TANC2: variants seen among roughly 807,000 people sequenced by gnomAD.
TANC2 encodes the protein tetratricopeptide repeat, ankyrin repeat and coiled-coil containing 2, also known as protein TANC2.
In TANC2, 26 loss-of-function variants were observed where a neutral mutation model predicts 210.5. That is an observed-to-expected ratio of 0.12 (90% CI 0.09 to 0.17). TANC2 has a LOEUF of 0.17. Among genes scored for constraint, TANC2 ranks in the 10% least tolerant of loss-of-function variants. The pLI is 1.00. For missense variants in TANC2, 2,129 were observed against 2,608.9 expected, an observed-to-expected ratio of 0.82 and a Z score of 4.01; for synonymous variants, 931 against 967.1, an observed-to-expected ratio of 0.96 and a Z score of 0.69.
chr17:63,040,694 A>G (rs181578091), intron 2 of TANC2, among the ~76,000 whole-genome samples: 2 of 152,296 alleles, frequency 1.3e-5, no homozygotes, highest in East Asian at 3.9e-4. Context: ...ACAGAAGAGC[A>G]GTATTTAAGT....
intron 2 of TANC2, among the ~76,000 whole-genome samples, chr17:63,065,052 C>T (rs141468067): frequency 1.4e-3 from 218 of 152,256 alleles, no homozygotes; most frequent in African/African-American, 5.1e-3. Context: ...CCTGCACACC[C>T]CTGCTCCCTC....
intron 4 of TANC2, among the ~76,000 whole-genome samples, chr17:63,128,150 CAA>C (rs936160068): frequency 2.0e-5 from 3 of 152,002 alleles, no homozygotes; most frequent in Non-Finnish European, 4.4e-5. Flanking sequence ...TGGAAAAACT[CAA>C]TATCAATAAA....
chr17:63,176,440 T>C (rs1013824571), intron 5 of TANC2, among the ~76,000 whole-genome samples: 3 of 152,176 alleles, frequency 2.0e-5, no homozygotes, highest in Non-Finnish European at 4.4e-5. Flanking sequence ...ATACATACTG[T>C]TTAATTCCTT....
chr17:63,060,222 G>C (rs1231342924), intron 2 of TANC2, among the ~76,000 whole-genome samples: 3 of 152,158 alleles, frequency 2.0e-5, no homozygotes, highest in Non-Finnish European at 4.4e-5. Flanking sequence ...GTTAATTTTT[G>C]TTGTTGTTCA....
chr17:63,410,887 A>AG, intron 21 of TANC2, among the ~76,000 whole-genome samples: 1 of 146,028 alleles, frequency 6.8e-6, no homozygotes, highest in Non-Finnish European at 1.5e-5. Flanking sequence ...AAAAAAAAAA[A>AG]AAGAAGCAGA....
intron 14 of TANC2, among the ~76,000 whole-genome samples, chr17:63,374,515 C>T (rs2047368278): frequency 6.6e-6 from 1 of 152,060 alleles, no homozygotes; most frequent in Admixed American, 6.6e-5. Context: ...GAGATGTGTA[C>T]CAGGTACAAC....
intron 5 of TANC2, chr17:63,154,468 A>G (rs2039767677): frequency 6.6e-6 from 1 of 152,122 alleles, no homozygotes; most frequent in African/African-American, 2.4e-5. Context: ...CAATAAAGCA[A>G]TTTCCAAAAT....
intron 1 of TANC2, among the ~76,000 whole-genome samples, chr17:62,998,936 T>G (rs1183514622): frequency 1.3e-5 from 2 of 152,154 alleles, no homozygotes; most frequent in East Asian, 3.9e-4. Flanking sequence ...AGTAAAGGGA[T>G]GGAGAAAAAT....
At chr17:63,207,200 CT>C (rs1177720536) in intron 7 of TANC2, among the ~76,000 whole-genome samples, 27 of 123,484 alleles carry the variant, frequency 2.2e-4, no homozygotes, top group Non-Finnish European at 3.3e-4. Flanking sequence ...ATGCAAATTT[CT>C]TTTTTTTTCC....
intron 3 of TANC2, among the ~76,000 whole-genome samples, chr17:63,082,990 T>C (rs1349521769): frequency 6.6e-6 from 1 of 152,240 alleles, no homozygotes; most frequent in Non-Finnish European, 1.5e-5. Flanking sequence ...AGTTTTCTAA[T>C]TGTTCCAAGT....
At chr17:63,388,542 A>AT in intron 15 of TANC2, 93 bp from the exon 16 acceptor site, 1 of 1,338,896 alleles carries the variant, frequency 7.5e-7, no homozygotes, top group South Asian at 1.4e-5. Flanking sequence ...GCTCTCATTC[A>AT]TTAGTACCAA....
intron 14 of TANC2, among the ~76,000 whole-genome samples, chr17:63,372,569 C>A (rs184220013): frequency 2.0e-5 from 3 of 152,158 alleles, no homozygotes; most frequent in Admixed American, 6.5e-5. Context: ...AAAATGCATT[C>A]GCTTAATATG....
At position 63,418,655 on chromosome 17, in the gene TANC2, T is replaced by G. The variant is rs896657109; in HGVS notation, c.4268+248T>G. On this transcript the variant is annotated intron_variant, in intron 27 of 27. Coordinates refer to ENST00000689528, the Ensembl canonical transcript of TANC2. This position sits in a 1 kb window ranked among gnomAD's most constrained non-coding sequence, Gnocchi z 4.6. ...ACTTTTTCACTGGAGAATGGCAGCTTCTTCCAAGAAGCCTCTGCCGTATCT... is the reference window on the plus strand; with the variant it reads ...ACTTTTTCACTGGAGAATGGCAGCTGCTTCCAAGAAGCCTCTGCCGTATCT... 4.6e-5 allele frequency among the ~76,000 whole-genome samples: 7 copies of G among 152,214 alleles called. No individual in the cohort carries two copies. Among genetic ancestry groups the G allele is most frequent in the African/African-American group, 1.7e-4 (7 of 41,446 alleles).
At chr17:63,010,632 G>A (rs1300999188) in intron 2 of TANC2, among the ~76,000 whole-genome samples, 2 of 152,132 alleles carry the variant, frequency 1.3e-5, no homozygotes, top group African/African-American at 4.8e-5. Context: ...CCAATTGCGT[G>A]TGGTGGATCC....
At chr17:62,992,586 T>TTGAGAAC (rs1188704344) in intron 1 of TANC2, among the ~76,000 whole-genome samples, 7 of 152,216 alleles carry the variant, frequency 4.6e-5, no homozygotes, top group African/African-American at 1.7e-4. Context: ...GGTGTTTTTA[T>TTGAGAAC]TGAGAACTGA....
intron 9 of TANC2, among the ~76,000 whole-genome samples, chr17:63,270,021 T>C (rs530782712): frequency 5.9e-5 from 9 of 152,330 alleles, no homozygotes; most frequent in African/African-American, 2.2e-4. Flanking sequence ...TTTCAGTTCC[T>C]TGAAGTCATC....
In TANC2 at chr17:63,374,032, GT is replaced by G. The variant is rs35801082; in HGVS notation, c.2583-5664del. ...TATTTTGATTTTTCAGTTGTTGTTG[GT>G]TTTTTTTTTTTTTTTTTTTTTGAGT... is the stretch of plus-strand genomic sequence containing the variant. On this transcript the variant is annotated intron_variant, in intron 14 of 27. Coordinates refer to ENST00000689528, the Ensembl canonical transcript of TANC2. 3.5e-3 allele frequency among the ~76,000 whole-genome samples: 324 copies of G among 93,516 alleles called. 2 individuals are homozygous for G. The highest frequency in any genetic ancestry group is 9.8e-3 in the African/African-American group (211 of 21,472). The allele number at this position is 93,516 out of a possible 152,430, so 61.4% of individuals were successfully genotyped here.
chr17:63,297,297 C>A (rs1008559766), intron 9 of TANC2, among the ~76,000 whole-genome samples: 4 of 152,006 alleles, frequency 2.6e-5, no homozygotes, highest in Non-Finnish European at 5.9e-5. Context: ...AAGTGTCAAA[C>A]GTCCCAATTT....
intron 15 of TANC2, among the ~76,000 whole-genome samples, chr17:63,383,169 G>A (rs999134885): frequency 2.0e-5 from 3 of 152,106 alleles, no homozygotes; most frequent in Admixed American, 6.6e-5. Flanking sequence ...TACTGATGTG[G>A]TACATTTGTT....
Sources: allele counts gnomAD v4.1 joint callset (sites outside exome capture counted in the v4.1 genomes callset), GRCh38; gene constraint gnomAD v4.1.1; non-coding constraint Gnocchi (gnomAD v3.1); transcripts MANE v1.5; gene names NCBI Gene and HGNC (gene_info 2026-07-23, HGNC 2026-07-21).